ALCAM: variants seen among roughly 807,000 people sequenced by gnomAD.
ALCAM encodes CD166 antigen.
Under a neutral mutation model 70.9 loss-of-function variants are expected in ALCAM, and 30 were observed. The observed-to-expected ratio is 0.42, with a 90% CI of 0.32 to 0.57. The LOEUF (loss-of-function observed/expected upper bound fraction) is 0.57, where lower values mean the gene tolerates loss of function less well. ALCAM is among the 20% of genes least tolerant of loss of function. The pLI is 0.11. For synonymous variants in ALCAM, 249 were observed against 242.5 expected (o/e 1.03, Z -0.25); for missense variants, 591 against 695.1 (o/e 0.85, Z 1.68).
chr3:105,367,878 T>C (rs1359801584), intron 1 of ALCAM, among the ~76,000 whole-genome samples: 1 of 152,136 alleles, frequency 6.6e-6, no homozygotes, highest in East Asian at 1.9e-4. Context: ...CGCTTAGTTC[T>C]CGGATGAAAT....
intron 1 of ALCAM, among the ~76,000 whole-genome samples, chr3:105,443,677 C>G (rs9827147): frequency 0.54 from 82,421 of 152,026 alleles, 23,041 homozygotes; most frequent in East Asian, 0.89. Flanking sequence ...AAATGTAGAA[C>G]TAAATTTCAT....
At chr3:105,494,647 TTTCC>T (rs1000765445) in intron 1 of ALCAM, among the ~76,000 whole-genome samples, 16 of 151,316 alleles carry the variant, frequency 1.1e-4, no homozygotes, top group African/African-American at 2.9e-4. Context: ...CCCTCCCTTC[TTTCC>T]TTCCTTCCTT....
intron 1 of ALCAM, among the ~76,000 whole-genome samples, chr3:105,397,695 A>G (rs1935989452): frequency 6.6e-6 from 1 of 152,068 alleles, no homozygotes; most frequent in South Asian, 2.1e-4. Context: ...TGATTGTCAC[A>G]TACCTTTTTA....
At chr3:105,410,055 G>A (rs1421584793) in intron 1 of ALCAM, among the ~76,000 whole-genome samples, 1 of 152,042 alleles carries the variant, frequency 6.6e-6, no homozygotes, top group East Asian at 1.9e-4. Context: ...CATTCTGTGA[G>A]TTTGGGAAAA....
intron 1 of ALCAM, among the ~76,000 whole-genome samples, chr3:105,505,488 T>C (rs568710246): frequency 3.0e-4 from 45 of 152,298 alleles, no homozygotes; most frequent in Middle Eastern, 6.8e-3. Flanking sequence ...TCTTCCAGCA[T>C]TGGGGATTAT....
chr3:105,511,296 A>G (rs1939229195), intron 1 of ALCAM, among the ~76,000 whole-genome samples: 1 of 152,034 alleles, frequency 6.6e-6, no homozygotes, highest in African/African-American at 2.4e-5. Context: ...AGGCAGAAAG[A>G]TGATTTTATC....
intron 1 of ALCAM, 58 bp from the exon 2 acceptor site, chr3:105,520,009 T>A: frequency 8.9e-7 from 1 of 1,126,790 alleles, no homozygotes; most frequent in South Asian, 1.4e-5. Context: ...CAAGAAAGCA[T>A]TTAAAATTTT....
chr3:105,525,002 C>G (rs939540221), intron 3 of ALCAM: 3 of 928,988 alleles, frequency 3.2e-6, no homozygotes, highest in Non-Finnish European at 3.9e-6. Flanking sequence ...TTATATATAT[C>G]CACATATATA....
intron 3 of ALCAM, among the ~76,000 whole-genome samples, chr3:105,527,739 C>G (rs1939740964): frequency 6.6e-6 from 1 of 152,098 alleles, no homozygotes; most frequent in African/African-American, 2.4e-5. Context: ...TACATATGGA[C>G]CAGGTCTTAT....
At chr3:105,451,065 G>A (rs1426353835) in intron 1 of ALCAM, among the ~76,000 whole-genome samples, 1 of 144,332 alleles carries the variant, frequency 6.9e-6, no homozygotes, top group East Asian at 2.2e-4. Flanking sequence ...ATAGAAATAA[G>A]AGAGTGGAAA....
At chr3:105,423,670 T>C (rs1936723731) in intron 1 of ALCAM, among the ~76,000 whole-genome samples, 1 of 151,588 alleles carries the variant, frequency 6.6e-6, no homozygotes, top group Admixed American at 6.6e-5. Context: ...AATATTTCGC[T>C]AGAAATTTAT....
intron 1 of ALCAM, among the ~76,000 whole-genome samples, chr3:105,453,091 T>C (rs1937474930): frequency 6.6e-6 from 1 of 152,248 alleles, no homozygotes; most frequent in Non-Finnish European, 1.5e-5. Context: ...ATCCCATTTG[T>C]CAATTTTGGC....
chr3:105,498,950 A>C (rs1340441742), intron 1 of ALCAM, among the ~76,000 whole-genome samples: 8 of 152,342 alleles, frequency 5.3e-5, no homozygotes, highest in South Asian at 2.1e-4. Flanking sequence ...GAAGTTATAT[A>C]AATATTAATG....
chr3:105,508,483 T>C (rs1378180374), intron 1 of ALCAM, among the ~76,000 whole-genome samples: 3 of 152,158 alleles, frequency 2.0e-5, no homozygotes, highest in Non-Finnish European at 4.4e-5. Context: ...TACAGGACTT[T>C]TGTGAAGCCC....
intron 1 of ALCAM, among the ~76,000 whole-genome samples, chr3:105,404,910 G>A (rs1241193146): frequency 6.6e-6 from 1 of 151,988 alleles, no homozygotes; most frequent in Non-Finnish European, 1.5e-5. Context: ...TTCCGCAAAT[G>A]GACGCTAAAA....
chr3:105,534,544 C>G lies in ALCAM; in HGVS notation c.548-119C>G, dbSNP rs147336222. The G allele has an allele frequency of 6.3e-4, 584 of 930,828 alleles. 9 individuals carry two copies. In the African/African-American group the frequency reaches 8.3e-3, roughly 13 times the overall value. The allele number at this position is 930,828 out of a possible 1,614,324, so 57.7% of individuals were successfully genotyped here. ...TAACCTCACTACATGTCAATTTTCT[C>G]TCCTGCTGAATACAGTTAGAAGGAA... On this transcript the variant is annotated intron_variant, in intron 5 of 15. Transcript: ENST00000306107.
chr3:105,437,965 C>T (rs1377105671), intron 1 of ALCAM, among the ~76,000 whole-genome samples: 1 of 152,050 alleles, frequency 6.6e-6, no homozygotes, highest in Non-Finnish European at 1.5e-5. Flanking sequence ...GTAGCCTAAA[C>T]TCAAAGTTTA....
chr3:105,522,909 G>A (rs1471173861), intron 2 of ALCAM, among the ~76,000 whole-genome samples: 1 of 152,150 alleles, frequency 6.6e-6, no homozygotes, highest in African/African-American at 2.4e-5. Flanking sequence ...GGAGGCCGAG[G>A]CGGGCGGATC....
intron 1 of ALCAM, among the ~76,000 whole-genome samples, chr3:105,434,641 G>A (rs1488522585): frequency 1.3e-5 from 2 of 151,920 alleles, no homozygotes; most frequent in African/African-American, 2.4e-5. Context: ...CTGGTAAGTA[G>A]GGATAAATTA....
Sources: gnomAD v4.1 joint callset for allele counts (sites outside exome capture counted in the v4.1 genomes callset) on GRCh38, gnomAD v4.1.1 for gene constraint, MANE v1.5 for transcripts, NCBI Gene and HGNC (gene_info 2026-07-23, HGNC 2026-07-21) for gene names.